Variants in USP10 observed in about 807,000 individuals in gnomAD.
The protein encoded by USP10 is ubiquitin specific peptidase 10, also known as ubiquitin carboxyl-terminal hydrolase 10.
A neutral mutation model predicts 84.5 loss-of-function variants in USP10; 22 were observed. That is an observed-to-expected ratio of 0.26 (90% CI 0.19 to 0.37). The LOEUF is 0.37. Among genes scored for constraint, USP10 ranks in the 10% least tolerant of loss-of-function variants. USP10 has a pLI of 1.00. For missense variants in USP10, 1,019 were observed against 998.9 expected, an observed-to-expected ratio of 1.02 and a Z score of -0.27; for synonymous variants, 454 against 387.6, an observed-to-expected ratio of 1.17 and a Z score of -2.01.
At chr16:84,703,471 G>T (rs1905136217) in intron 1 of USP10, among the ~76,000 whole-genome samples, 1 of 152,150 alleles carries the variant, frequency 6.6e-6, no homozygotes, top group South Asian at 2.1e-4. Flanking sequence ...GAAAGTCTTG[G>T]ATTCCCCCTC....
chr16:84,758,741 C>G lies in USP10; in HGVS notation c.1218C>G (p.Ile406Met). ...IAELLENVTL[I>M]HKPVSLQPRG... ...AGTTGCTGGAGAATGTAACCCTAAT[C>G]CATAAACCAGTGTCGTTGCAACCCC... The change falls in exon 5 of 14, where the codon ATC (isoleucine) becomes ATG (methionine). Residue 406 changes from isoleucine (I) to methionine (M), a missense_variant. Ile to Met is a conservative substitution (Grantham distance 10). Transcript: ENST00000219473. The G allele has an allele frequency of 6.2e-7, 1 of 1,613,660 alleles. No individual in the cohort carries two copies. The highest frequency in any genetic ancestry group is 8.5e-7 in the Non-Finnish European group (1 of 1,179,550).
rs1187388869 is a variant in USP10, at chr16:84,700,086, C to A, written c.-5C>A. 5.8e-6 allele frequency: 8 copies of A among 1,370,958 alleles called. No individual in the cohort carries two copies. Among genetic ancestry groups the A allele is most frequent in the South Asian group, 2.7e-5 (2 of 73,518 alleles). The allele number at this position is 1,370,958 out of a possible 1,614,324, so 84.9% of individuals were successfully genotyped here. On this transcript the variant is annotated 5_prime_UTR_variant, in exon 1 of 14. Coordinates refer to ENST00000219473, the MANE Select transcript of USP10 (RefSeq NM_005153.3). ...GATCGCGGAGTCCCAATGAAACGGG[C>A]AGCCATGGCCCTCCACAGCCCGCAG...
intron 8 of USP10, among the ~76,000 whole-genome samples, chr16:84,761,858 C>G (rs997193742): frequency 2.0e-5 from 3 of 152,258 alleles, no homozygotes; most frequent in African/African-American, 7.2e-5. Flanking sequence ...GGAGAGCCAC[C>G]CAGGCCTGCT....
At chr16:84,728,618 C>T (rs548621349) in intron 1 of USP10, among the ~76,000 whole-genome samples, 17 of 152,016 alleles carry the variant, frequency 1.1e-4, no homozygotes, top group Non-Finnish European at 1.6e-4. Flanking sequence ...CGTGAGCCAC[C>T]GTGTCCGGCC....
intron 5 of USP10, 150 bp from the exon 6 acceptor site, chr16:84,759,213 T>TGGTTTATTCCTCTTC (rs2150848073): frequency 1.4e-6 from 1 of 698,064 alleles, no homozygotes; most frequent in Non-Finnish European, 2.5e-6. Context: ...AGTAACTATT[T>TGGTTTATTCCTCTTC]GGTTTATTCC....
chr16:84,718,177 TAAAAGC>T, intron 1 of USP10, among the ~76,000 whole-genome samples: 1 of 152,298 alleles, frequency 6.6e-6, no homozygotes, highest in Middle Eastern at 3.4e-3. Context: ...TTCAGTGAAT[TAAAAGC>T]AAATGAGAGA....
chr16:84,701,048 T>G (rs1904802432), intron 1 of USP10, among the ~76,000 whole-genome samples: 1 of 152,240 alleles, frequency 6.6e-6, no homozygotes. Flanking sequence ...CATCTCATTG[T>G]GTATTTGTAT....
At chr16:84,726,701 A>T (rs1056888051) in intron 1 of USP10, among the ~76,000 whole-genome samples, 2 of 152,210 alleles carry the variant, frequency 1.3e-5, no homozygotes, top group Admixed American at 1.3e-4. Context: ...CCCGGGATGG[A>T]GGCCGGATGG....
intron 13 of USP10, among the ~76,000 whole-genome samples, chr16:84,776,380 CTCTTCCTCTCA>C (rs1489003495): frequency 6.6e-6 from 1 of 152,064 alleles, no homozygotes; most frequent in Admixed American, 6.5e-5. Context: ...AGGCTTCCCT[CTCTTCCTCTCA>C]CTATTCATTG....
At chr16:84,706,101 T>G (rs1905464444) in intron 1 of USP10, among the ~76,000 whole-genome samples, 1 of 152,178 alleles carries the variant, frequency 6.6e-6, no homozygotes, top group South Asian at 2.1e-4. Context: ...AGGCTGGTCT[T>G]GAACTCCTGG....
At chr16:84,708,538 A>G (rs891583841) in intron 1 of USP10, among the ~76,000 whole-genome samples, 2 of 152,246 alleles carry the variant, frequency 1.3e-5, no homozygotes, top group African/African-American at 2.4e-5. Context: ...CAAACTTTTT[A>G]TTAGTTGGAG....
At chr16:84,729,392 C>T (rs1003426799) in intron 1 of USP10, among the ~76,000 whole-genome samples, 2 of 152,184 alleles carry the variant, frequency 1.3e-5, no homozygotes, top group Non-Finnish European at 2.9e-5. Context: ...CTTTTACTGA[C>T]ATTTGATAGT....
intron 9 of USP10, 115 bp from the exon 10 acceptor site, chr16:84,763,971 A>G (rs1482769714): frequency 3.0e-6 from 4 of 1,337,252 alleles, no homozygotes; most frequent in South Asian, 1.6e-5. Flanking sequence ...CGTGGCTCCT[A>G]ATGTAGACCA....
intron 1 of USP10, among the ~76,000 whole-genome samples, chr16:84,726,748 T>C (rs28602709): frequency 6.6e-6 from 1 of 151,998 alleles, no homozygotes; most frequent in Non-Finnish European, 1.5e-5. Flanking sequence ...ATAAATAGCT[T>C]CTCTAGTTCA....
intron 4 of USP10, among the ~76,000 whole-genome samples, chr16:84,758,476 G>C (rs911034994): frequency 6.6e-6 from 1 of 152,112 alleles, no homozygotes; most frequent in Non-Finnish European, 1.5e-5. Context: ...CCCTAATTCT[G>C]TTCCCCCCAG....
At chr16:84,703,936 C>G (rs1017288212) in intron 1 of USP10, among the ~76,000 whole-genome samples, 12 of 152,222 alleles carry the variant, frequency 7.9e-5, no homozygotes, top group African/African-American at 2.9e-4. Context: ...AAAGTTAGGA[C>G]ATGTATTCCA....
intron 4 of USP10, among the ~76,000 whole-genome samples, chr16:84,755,427 T>C (rs1889922437): frequency 6.6e-6 from 1 of 151,900 alleles, no homozygotes; most frequent in South Asian, 2.1e-4. Flanking sequence ...CAGCCTGCAC[T>C]TGCTGTCTTC....
intron 6 of USP10, among the ~76,000 whole-genome samples, 161 bp downstream of exon 6, chr16:84,759,633 C>G (rs1264049352): frequency 6.6e-6 from 1 of 151,946 alleles, no homozygotes; most frequent in African/African-American, 2.4e-5. Flanking sequence ...GGAAGTTAAC[C>G]AGAAATGGAA....
chr16:84,773,194 A>G (rs1484662808), intron 12 of USP10, among the ~76,000 whole-genome samples: 1 of 152,196 alleles, frequency 6.6e-6, no homozygotes, highest in African/African-American at 2.4e-5. Context: ...AAAGAGCCCC[A>G]GGTTAAAGGC....
Sources: allele counts gnomAD v4.1 joint callset (sites outside exome capture counted in the v4.1 genomes callset), GRCh38; gene constraint gnomAD v4.1.1; transcripts MANE v1.5; gene names NCBI Gene and HGNC (gene_info 2026-07-23, HGNC 2026-07-21).